HEPHL1: variants seen among roughly 807,000 people sequenced by gnomAD.
HEPHL1 encodes the protein ferroxidase HEPHL1.
HEPHL1 carries 123 observed loss-of-function variants against 122.0 expected under a neutral mutation model. The ratio of observed to expected loss-of-function variants is 1.01; its 90% CI spans 0.87 to 1.17. The LOEUF (loss-of-function observed/expected upper bound fraction) is 1.17. Among genes scored for constraint, HEPHL1 ranks in the 50% most tolerant of loss-of-function variants. The pLI is 0.00. For synonymous variants in HEPHL1, 527 were observed against 508.9 expected (o/e 1.04, Z -0.48); for missense variants, 1,452 against 1,430.5 (o/e 1.01, Z -0.24).
At chr11:94,101,491 C>A (rs891991821) in intron 14 of HEPHL1, among the ~76,000 whole-genome samples, 156 bp downstream of exon 14, 2 of 152,096 alleles carry the variant, frequency 1.3e-5, no homozygotes, top group Admixed American at 1.3e-4. Flanking sequence ...ATCCAATGAC[C>A]AAATGTTTAG....
intron 8 of HEPHL1, 116 bp from the exon 9 acceptor site, chr11:94,075,058 T>G (rs1340890338): frequency 8.8e-6 from 7 of 795,736 alleles, no homozygotes; most frequent in Admixed American, 6.7e-5. Context: ...AAAACCACTC[T>G]CCTGGTACAA....
intron 1 of HEPHL1, among the ~76,000 whole-genome samples, 175 bp downstream of exon 1, chr11:94,021,713 A>T (rs1945584000): frequency 6.6e-6 from 1 of 152,148 alleles, no homozygotes. Context: ...AATCTGGAAG[A>T]GATATTCATA....
intron 13 of HEPHL1, among the ~76,000 whole-genome samples, 193 bp from the exon 14 acceptor site, chr11:94,101,002 C>T (rs955340968): frequency 6.6e-6 from 1 of 152,140 alleles, no homozygotes; most frequent in Non-Finnish European, 1.5e-5. Context: ...GAATTTAAAC[C>T]CATTGCTAAA....
At chr11:94,036,026 G>A (rs1340455292) in intron 1 of HEPHL1, among the ~76,000 whole-genome samples, 2 of 152,180 alleles carry the variant, frequency 1.3e-5, no homozygotes, top group African/African-American at 2.4e-5. Context: ...GTGAGCCAAC[G>A]CGCCCAGCCT....
rs1248059502 is a variant in HEPHL1, at chr11:94,087,112, G to A, written c.2080+923G>A. 2.6e-5 allele frequency among the ~76,000 whole-genome samples: 4 copies of A among 152,092 alleles called. No homozygotes were observed. In the East Asian group the frequency reaches 7.7e-4, roughly 29 times the overall value. On this transcript the variant is annotated intron_variant, in intron 11 of 19. Transcript: ENST00000315765. ...CTAGGAGCTCCATAGTCTTTTCTAT[G>A]TGAACTTTTCCTAGTGTCCAGTCTC...
rs6144452 is a variant in HEPHL1, at chr11:94,078,446, C to CATAT, written c.1716+3088_1716+3091dup. 1.6e-3 allele frequency among the ~76,000 whole-genome samples: 181 copies of CATAT among 111,532 alleles called. 6 individuals are homozygous for CATAT. Among genetic ancestry groups the CATAT allele is most frequent in the African/African-American group, 4.5e-3 (129 of 28,910 alleles). 73.2% of individuals were successfully genotyped at this position (111,532 alleles called of 152,430 possible). On this transcript the variant is annotated intron_variant, in intron 9 of 19. Transcript: ENST00000315765. ...GACACCAGCCACTACTCAGATGTTC[C>CATAT]ATATATATATATATATATATATATA...
At chr11:94,037,297 C>T (rs1168673966) in intron 1 of HEPHL1, among the ~76,000 whole-genome samples, 2 of 151,878 alleles carry the variant, frequency 1.3e-5, no homozygotes, top group Admixed American at 1.3e-4. Flanking sequence ...GGGGGAGGGG[C>T]GCCCGCCATT....
chr11:94,112,002 G>A lies in HEPHL1; in HGVS notation c.*108G>A, dbSNP rs1474555364. On this transcript the variant is annotated 3_prime_UTR_variant, in exon 20 of 20. Transcript: ENST00000315765. ...TCACTCACCAAGGAAGGTTGACACT[G>A]TATCCTGGATCAGCCTTCTGATCCT... 8.4e-6 allele frequency: 6 copies of A among 718,484 alleles called. No homozygotes were observed. The highest frequency in any genetic ancestry group is 5.5e-5 in the Admixed American group (2 of 36,470). The allele number at this position is 718,484 out of a possible 1,614,324, so 44.5% of individuals were successfully genotyped here.
intron 12 of HEPHL1, among the ~76,000 whole-genome samples, chr11:94,090,385 C>T (rs1450347717): frequency 6.6e-6 from 1 of 152,126 alleles, no homozygotes; most frequent in Admixed American, 6.5e-5. Flanking sequence ...AAAAATATAG[C>T]CTTTATGATG....
At chr11:94,055,694 T>G (rs180925612) in intron 2 of HEPHL1, 2 of 388,356 alleles carry the variant, frequency 5.1e-6, no homozygotes, top group Non-Finnish European at 1.0e-5. Context: ...TGGAAGACAA[T>G]GCACTCTGTG....
At chr11:94,029,681 C>A (rs1945656170) in intron 1 of HEPHL1, among the ~76,000 whole-genome samples, 1 of 152,208 alleles carries the variant, frequency 6.6e-6, no homozygotes, top group Non-Finnish European at 1.5e-5. Flanking sequence ...AACCCAATCC[C>A]CCCTTGGGGT....
At position 94,099,520 on chromosome 11, in the gene HEPHL1, A is replaced by T. The variant is rs537907196; in HGVS notation, c.2435-1675A>T. ...AGATCTCAAACTCTGTGCTGGGAGA[A>T]CCACTACTCTCTTCAAAGCTGTCAG... On this transcript the variant is annotated intron_variant, in intron 13 of 19. Transcript: ENST00000315765. Among the ~76,000 whole-genome samples, 116 of 152,242 alleles carry T rather than the reference A, an allele frequency of 7.6e-4. 1 individual carries two copies. The highest frequency in any genetic ancestry group is 4.2e-3 in the Admixed American group (64 of 15,292).
rs1225096879 is a variant in HEPHL1, at chr11:94,067,567, C to G, written c.880C>G (p.Leu294Val). The G allele has an allele frequency of 6.2e-7, 1 of 1,613,618 alleles. No homozygotes were observed. Among genetic ancestry groups the G allele is most frequent in the East Asian group, 2.2e-5 (1 of 44,876 alleles). ...MCVGESVSWH[L>V]FGMGNEIDIH... ...TGTTGGAGAATCTGTGTCCTGGCACCTATTTGGAATGGGGAATGAAATAGA... is the reference window on the plus strand; with the variant it reads ...TGTTGGAGAATCTGTGTCCTGGCACGTATTTGGAATGGGGAATGAAATAGA... Residue 294 changes from leucine (L) to valine (V), a missense_variant, in exon 5 of 20, where the codon CTA becomes GTA. By Grantham distance (32) the Leu-to-Val change is conservative (BLOSUM62 1). Coordinates refer to ENST00000315765, the MANE Select transcript of HEPHL1 (RefSeq NM_001098672.2).
At chr11:94,108,599 A>AT (rs548509087) in intron 17 of HEPHL1, among the ~76,000 whole-genome samples, 35 of 150,798 alleles carry the variant, frequency 2.3e-4, no homozygotes, top group Non-Finnish European at 1.6e-4. Context: ...AATAAGGTTC[A>AT]TTTTTTTTTC....
At chr11:94,023,432 A>T (rs1431010636) in intron 1 of HEPHL1, among the ~76,000 whole-genome samples, 5 of 152,206 alleles carry the variant, frequency 3.3e-5, no homozygotes, top group Non-Finnish European at 5.9e-5. Context: ...AAGAATCATA[A>T]ATACTCAAGT....
At chr11:94,049,610 G>A (rs1213943577) in intron 2 of HEPHL1, among the ~76,000 whole-genome samples, 1 of 74,598 alleles carries the variant, frequency 1.3e-5, no homozygotes, top group African/African-American at 5.4e-5. Context: ...ATGAATCATA[G>A]GATGTAGTAA....
chr11:94,097,058 T>C (rs1449121359), intron 13 of HEPHL1, among the ~76,000 whole-genome samples: 3 of 152,234 alleles, frequency 2.0e-5, no homozygotes, highest in African/African-American at 4.8e-5. Flanking sequence ...TGCCTTCTGC[T>C]AGCTTTTGAA....
At position 94,109,257 on chromosome 11, in the gene HEPHL1, A is replaced by G. The variant is rs141992470; in HGVS notation, c.3046-1646A>G. On this transcript the variant is annotated intron_variant, in intron 17 of 19. Coordinates refer to ENST00000315765, the MANE Select transcript of HEPHL1 (RefSeq NM_001098672.2). The stretch of plus-strand genomic sequence containing the variant: ...TCACTTTAGTTCCAATAGTTTTCCT[A>G]TAGATTTTAGGGGGATTTTCTATGC... 2.8e-3 allele frequency among the ~76,000 whole-genome samples: 425 copies of G among 152,158 alleles called. 5 individuals are homozygous for G. Among genetic ancestry groups the G allele is most frequent in the African/African-American group, 9.6e-3 (398 of 41,530 alleles).
At chr11:94,042,680 T>G in intron 1 of HEPHL1, among the ~76,000 whole-genome samples, 1 of 131,908 alleles carries the variant, frequency 7.6e-6, no homozygotes, top group Non-Finnish European at 1.5e-5. Flanking sequence ...AACAATGAGA[T>G]CACATGGACA....
Sources: gnomAD v4.1 joint callset for allele counts (sites outside exome capture counted in the v4.1 genomes callset) on GRCh38, gnomAD v4.1.1 for gene constraint, MANE v1.5 for transcripts, NCBI Gene and HGNC (gene_info 2026-07-23, HGNC 2026-07-21) for gene names.